B3GALT1: variants seen among roughly 807,000 people sequenced by gnomAD.
The protein encoded by B3GALT1 is UDP-Gal:betaGlcNAc beta 1,3-galactosyltransferase, polypeptide 1.
B3GALT1 carries 10 observed loss-of-function variants against 23.2 expected under a neutral mutation model. The ratio of observed to expected loss-of-function variants is 0.43; its 90% CI spans 0.27 to 0.73. The LOEUF is 0.73. Ranked by LOEUF, B3GALT1 falls within the 30% of genes least tolerant of loss-of-function variation. The probability of loss-of-function intolerance (pLI) is 0.21; values close to 1 mark genes in which losing one functional copy is unlikely to be tolerated. For synonymous variants in B3GALT1, 156 were observed against 141.5 expected (o/e 1.10, Z -0.73); for missense variants, 299 against 405.4 (o/e 0.74, Z 2.25).
chr2:167,706,443 A>G (rs915983663), intron 3 of B3GALT1, among the ~76,000 whole-genome samples: 6 of 152,226 alleles, frequency 3.9e-5, no homozygotes, highest in African/African-American at 1.2e-4. Context: ...AGGACCTTCA[A>G]AGAAAATGTC....
chr2:167,730,471 C>A (rs1687394183), intron 3 of B3GALT1, among the ~76,000 whole-genome samples: 1 of 152,066 alleles, frequency 6.6e-6, no homozygotes, highest in Admixed American at 6.6e-5. Context: ...ACTTTCAAAC[C>A]CATTATCTCC....
In B3GALT1 at chr2:167,648,454, T is replaced by C. The variant is rs185939143; in HGVS notation, c.-352+1488T>C. Among the ~76,000 whole-genome samples the C allele has an allele frequency of 1.9e-3, 291 of 152,264 alleles. 3 individuals are homozygous for C. Among genetic ancestry groups the C allele is most frequent in the South Asian group, 0.017 (84 of 4,828 alleles). ...GCTCCTTACTTACAAGAAATGTCTC[T>C]ACTCATCCCATCTCTGTCCAATTCC... On this transcript the variant is annotated intron_variant, in intron 3 of 4. Transcript: ENST00000392690.
intron 2 of B3GALT1, among the ~76,000 whole-genome samples, chr2:167,534,999 C>G (rs1457193873): frequency 7.2e-5 from 11 of 152,108 alleles, no homozygotes; most frequent in Admixed American, 7.2e-4. Context: ...CTAAGGTTTA[C>G]AAAGCTAGCA....
At chr2:167,846,540 C>T (rs915679554) in intron 4 of B3GALT1, among the ~76,000 whole-genome samples, 1 of 152,098 alleles carries the variant, frequency 6.6e-6, no homozygotes, top group Non-Finnish European at 1.5e-5. Flanking sequence ...CTTTTTCAGA[C>T]AAACAAATGA....
chr2:167,503,345 A>G (rs1372288672), intron 2 of B3GALT1, among the ~76,000 whole-genome samples: 1 of 152,172 alleles, frequency 6.6e-6, no homozygotes, highest in Non-Finnish European at 1.5e-5. Context: ...GTGTCTGGCT[A>G]CCACAAGGAT....
At position 167,809,508 on chromosome 2, in the gene B3GALT1, G is replaced by A. The variant is rs537162699; in HGVS notation, c.-351-9164G>A. 5.3e-5 allele frequency among the ~76,000 whole-genome samples: 8 copies of A among 152,288 alleles called. No homozygotes were observed. In the East Asian group the frequency reaches 1.5e-3, roughly 29 times the overall value. ...TGTTAGTTTTCCTTCTAACAGACAGGACCCTCAGCTGCAGGTCTGTTAGAG... is the reference window on the plus strand; with the variant it reads ...TGTTAGTTTTCCTTCTAACAGACAGAACCCTCAGCTGCAGGTCTGTTAGAG... On this transcript the variant is annotated intron_variant, in intron 3 of 4. Transcript: ENST00000392690.
chr2:167,358,352 T>C (rs1574047265), intron 1 of B3GALT1, among the ~76,000 whole-genome samples: 3 of 152,224 alleles, frequency 2.0e-5, no homozygotes, highest in African/African-American at 7.2e-5. Flanking sequence ...TTTACTTTTA[T>C]GGGCTATTGA....
chr2:167,857,205 A>C (rs749989929), intron 4 of B3GALT1, among the ~76,000 whole-genome samples: 4 of 152,104 alleles, frequency 2.6e-5, no homozygotes, highest in Non-Finnish European at 4.4e-5. Context: ...GTAAAAATAC[A>C]GGTGATGGAC....
intron 2 of B3GALT1, among the ~76,000 whole-genome samples, 24 bp from the exon 3 acceptor site, chr2:167,646,885 A>AT (rs913569062): frequency 7.2e-5 from 11 of 152,028 alleles, no homozygotes; most frequent in South Asian, 4.2e-4. Context: ...ATCTAAATGT[A>AT]TTTTTTTTCT....
At chr2:167,516,800 G>T (rs1313071909) in intron 2 of B3GALT1, among the ~76,000 whole-genome samples, 1 of 151,872 alleles carries the variant, frequency 6.6e-6, no homozygotes, top group Non-Finnish European at 1.5e-5. Flanking sequence ...TAATGCTGCA[G>T]CCATAATGAT....
chr2:167,662,527 C>T (rs1026453750), intron 3 of B3GALT1, among the ~76,000 whole-genome samples: 1 of 152,124 alleles, frequency 6.6e-6, no homozygotes, highest in Non-Finnish European at 1.5e-5. Flanking sequence ...TATGGAATGG[C>T]ATCATGTCTC....
chr2:167,845,910 AAAAAC>A (rs1689749717), intron 4 of B3GALT1, among the ~76,000 whole-genome samples: 1 of 152,164 alleles, frequency 6.6e-6, no homozygotes, highest in South Asian at 2.1e-4. Flanking sequence ...CAAAAAAACA[AAAAAC>A]AAAAATCAGG....
intron 3 of B3GALT1, among the ~76,000 whole-genome samples, chr2:167,815,683 C>G (rs1216662933): frequency 6.6e-6 from 1 of 152,122 alleles, no homozygotes; most frequent in Non-Finnish European, 1.5e-5. Context: ...ATAAACAGCA[C>G]CGGCAAAATT....
intron 4 of B3GALT1, among the ~76,000 whole-genome samples, chr2:167,868,198 G>A (rs1017323752): frequency 6.6e-6 from 1 of 152,198 alleles, no homozygotes; most frequent in Non-Finnish European, 1.5e-5. Context: ...TAGAAAATTA[G>A]AATTAGAGCT....
chr2:167,611,750 C>G (rs760833230), intron 2 of B3GALT1, among the ~76,000 whole-genome samples: 5 of 151,876 alleles, frequency 3.3e-5, no homozygotes, highest in Non-Finnish European at 7.4e-5. Context: ...CCTTAGTTCT[C>G]TCCTATTCCG....
At chr2:167,813,286 T>G (rs1291295493) in intron 3 of B3GALT1, among the ~76,000 whole-genome samples, 1 of 152,220 alleles carries the variant, frequency 6.6e-6, no homozygotes, top group East Asian at 1.9e-4. Context: ...CTGTGATGTA[T>G]AAGACAGTTT....
chr2:167,505,623 C>T (rs1239108251), intron 2 of B3GALT1, among the ~76,000 whole-genome samples: 1 of 152,062 alleles, frequency 6.6e-6, no homozygotes, highest in Admixed American at 6.6e-5. Flanking sequence ...GGAGTTTGAG[C>T]ACATACTCAA....
At chr2:167,342,118 A>C (rs1326280308) in intron 1 of B3GALT1, among the ~76,000 whole-genome samples, 1 of 152,216 alleles carries the variant, frequency 6.6e-6, no homozygotes, top group East Asian at 1.9e-4. Context: ...ATCCAAAGAA[A>C]TTGCTCTAAG....
intron 1 of B3GALT1, among the ~76,000 whole-genome samples, chr2:167,360,920 A>T (rs1697489941): frequency 6.6e-6 from 1 of 152,022 alleles, no homozygotes; most frequent in Admixed American, 6.5e-5. Flanking sequence ...CATGAGCTCC[A>T]CTGTATTAGC....
Sources: allele counts gnomAD v4.1 joint callset (sites outside exome capture counted in the v4.1 genomes callset), GRCh38; gene constraint gnomAD v4.1.1; transcripts MANE v1.5; gene names NCBI Gene and HGNC (gene_info 2026-07-23, HGNC 2026-07-21).